SYNE1: variants seen among roughly 807,000 people sequenced by gnomAD.
SYNE1 encodes the protein spectrin repeat containing nuclear envelope protein 1, also known as nesprin-1.
SYNE1 carries 616 observed loss-of-function variants against 1,111.0 expected under a neutral mutation model. The ratio of observed to expected loss-of-function variants is 0.55; its 90% CI spans 0.52 to 0.59. The LOEUF is 0.59. Among genes scored for constraint, SYNE1 ranks in the 20% least tolerant of loss-of-function variants. SYNE1 has a pLI of 0.00. For synonymous variants in SYNE1, 3,855 were observed against 3,825.8 expected, an observed-to-expected ratio of 1.01 and a Z score of -0.28; for missense variants, 10,006 against 10,417.0, an observed-to-expected ratio of 0.96 and a Z score of 1.72.
At chr6:152,625,352 C>A (rs2099683674) in intron 3 of SYNE1, among the ~76,000 whole-genome samples, 1 of 152,210 alleles carries the variant, frequency 6.6e-6, no homozygotes, top group South Asian at 2.1e-4. Flanking sequence ...CTGCACGTCA[C>A]CAACTGAATC....
At chr6:152,492,202 C>T (rs1304063500) in intron 11 of SYNE1, among the ~76,000 whole-genome samples, 1 of 152,194 alleles carries the variant, frequency 6.6e-6, no homozygotes, top group Non-Finnish European at 1.5e-5. Context: ...CCGTCCTATT[C>T]TCAATATGCA....
At chr6:152,635,731 TTTC>T (rs1221227678) in intron 2 of SYNE1, among the ~76,000 whole-genome samples, 1 of 152,254 alleles carries the variant, frequency 6.6e-6, no homozygotes, top group Admixed American at 6.5e-5. Context: ...CATTTTTAAC[TTTC>T]TTAACATTCA....
intron 37 of SYNE1, among the ~76,000 whole-genome samples, 192 bp downstream of exon 37, chr6:152,428,013 T>C (rs545502001): frequency 1.3e-5 from 2 of 152,318 alleles, no homozygotes; most frequent in East Asian, 3.9e-4. Context: ...TTGGATAATA[T>C]GTAAAGACCC....
rs2098103675 is a variant in SYNE1, at chr6:152,413,513, C to G, written c.6069G>C (p.Gln2023His). 6.2e-7 allele frequency: 1 copy of G among 1,614,010 alleles called. No individual in the cohort carries two copies. Among genetic ancestry groups the G allele is most frequent in the Non-Finnish European group, 8.5e-7 (1 of 1,180,008 alleles). Residue 2023 changes from glutamine (Q) to histidine (H), a missense_variant, in exon 42 of 146, where the codon CAG (glutamine) becomes CAC (histidine). Physicochemically the swap from Gln to His is conservative, Grantham distance 24. Around this residue, in one of 7 missense-constraint regions of SYNE1, gnomAD observed 4,955 missense variants for 5,017.2 expected, o/e 0.99. Transcript: ENST00000367255. ...CGTGAGAATTCAATTCATCTTCTAG[C>G]TGATTAAACACTCTTAACCTGTGAA... ...ALQQRLRVFNQLEDELNSHEH... is the reference protein window; with the variant it reads ...ALQQRLRVFNHLEDELNSHEH...
At chr6:152,399,960 T>A in intron 47 of SYNE1, 137 bp from the exon 48 acceptor site, 1 of 995,746 alleles carries the variant, frequency 1.0e-6, no homozygotes, top group Non-Finnish European at 1.5e-6. Flanking sequence ...TTGGTGCGTT[T>A]TTGAGTACTT....
intron 127 of SYNE1, among the ~76,000 whole-genome samples, chr6:152,190,271 T>C (rs550650948): frequency 6.6e-6 from 1 of 152,256 alleles, no homozygotes; most frequent in Non-Finnish European, 1.5e-5. Flanking sequence ...TCAGGCTCCA[T>C]CTCTAACTCT....
rs183016625 is a variant in SYNE1 at position 152,349,067 on chromosome 6, T to A, written c.11901+1101A>T. On this transcript the variant is annotated intron_variant, in intron 72 of 145. Coordinates refer to ENST00000367255, the MANE Select transcript of SYNE1 (RefSeq NM_182961.4). ...ATATTTGTTAAATAAAATCCTTTCT[T>A]ATAGACAGAAATGTTGCAGCCCAGA... is the stretch of plus-strand genomic sequence containing the variant. Among the ~76,000 whole-genome samples, 1,099 of 152,320 alleles carry A rather than the reference T, an allele frequency of 7.2e-3. 8 individuals carry two copies. Among genetic ancestry groups the A allele is most frequent in the South Asian group, 0.018 (88 of 4,832 alleles).
At chr6:152,212,662 G>A (rs2077742949) in intron 123 of SYNE1, among the ~76,000 whole-genome samples, 1 of 151,944 alleles carries the variant, frequency 6.6e-6, no homozygotes, top group Admixed American at 6.6e-5. Context: ...GGAATTTCTG[G>A]GTTATATGAT....
chr6:152,400,027 C>T (rs1003167731), intron 47 of SYNE1, among the ~76,000 whole-genome samples: 2 of 152,046 alleles, frequency 1.3e-5, no homozygotes, highest in African/African-American at 4.8e-5. Flanking sequence ...TGGGAACAAA[C>T]AGCTGTTGGG....
intron 10 of SYNE1, among the ~76,000 whole-genome samples, chr6:152,499,285 T>C (rs887184419): frequency 1.3e-5 from 2 of 152,080 alleles, no homozygotes; most frequent in Non-Finnish European, 2.9e-5. Context: ...CCAATAGACC[T>C]ATTTTATTTA....
In SYNE1 at chr6:152,479,185, A is replaced by G. The variant is rs555900694; in HGVS notation, c.1350+3900T>C. Among the ~76,000 whole-genome samples the G allele has an allele frequency of 5.1e-4, 77 of 152,204 alleles. No homozygotes were observed. In the Middle Eastern group the frequency reaches 0.024, roughly 47 times the overall value. On this transcript the variant is annotated intron_variant, in intron 14 of 145. Coordinates refer to ENST00000367255, the MANE Select transcript of SYNE1 (RefSeq NM_182961.4). Reference sequence around the variant, plus strand: ...TGGCTAGGGTTGGGTGTAGGACAGGATCCTGGGGGAAGAGGTCAAGAACCT... The same window carrying G: ...TGGCTAGGGTTGGGTGTAGGACAGGGTCCTGGGGGAAGAGGTCAAGAACCT...
rs746655221 is a variant in SYNE1 at position 152,145,487 on chromosome 6, C to T, written c.24977-1722G>A. 23 of 1,613,628 alleles carry T rather than the reference C, an allele frequency of 1.4e-5. 1 individual carries two copies. The highest frequency in any genetic ancestry group is 1.7e-4 in the Middle Eastern group (1 of 6,016). On this transcript the variant is annotated intron_variant, in intron 137 of 145. Transcript: ENST00000367255. ...GCTGGCTCCGGCTTGTTGTGCCTAC[C>T]GGAGGTATTTTTGATTGCATTTTCT...
Position 152,213,875 on chromosome 6 carries a change from G to A in SYNE1, c.22347-116C>T, listed in dbSNP as rs1587957558. On this transcript the variant is annotated intron_variant, in intron 122 of 145. Transcript: ENST00000367255. ...TCAATTCTAATTGAACCACCACAAAGCTTTCATGTCAGGTGGTAAAATTAT... is the reference window on the plus strand; with the variant it reads ...TCAATTCTAATTGAACCACCACAAAACTTTCATGTCAGGTGGTAAAATTAT... 4.2e-6 allele frequency: 6 copies of A among 1,442,120 alleles called. No individual in the cohort carries two copies. The African/African-American group carries it at 8.6e-5, about 21-fold the overall frequency. 89.3% of individuals were successfully genotyped at this position (1,442,120 alleles called of 1,614,324 possible). A position where few individuals can be genotyped will look rare whatever the true frequency, so the allele number is the denominator to read the frequency against.
rs540972725 is a variant in SYNE1 at position 152,149,216 on chromosome 6, C to T, written c.24642+261G>A. On this transcript the variant is annotated intron_variant, in intron 136 of 145. Coordinates refer to ENST00000367255, the MANE Select transcript of SYNE1 (RefSeq NM_182961.4). ...CTTCTAAACTCTTTGTATACATTAA[C>T]TCATCTAATGCTCAAAACAATCCTT... Among the ~76,000 whole-genome samples the T allele has an allele frequency of 4.6e-5, 7 of 152,270 alleles. No homozygotes were observed. The East Asian group carries it at 9.7e-4, about 21-fold the overall frequency.
At chr6:152,486,313 C>T (rs964870467) in intron 12 of SYNE1, among the ~76,000 whole-genome samples, 1 of 151,964 alleles carries the variant, frequency 6.6e-6, no homozygotes, top group African/African-American at 2.4e-5. Context: ...GAAAATGCAG[C>T]ATTTGCTACA....
Position 152,442,121 on chromosome 6 carries a change from A to G in SYNE1, c.3962T>C (p.Leu1321Pro), listed in dbSNP as rs773202823. 3.7e-6 allele frequency: 6 copies of G among 1,614,062 alleles called. No individual in the cohort carries two copies. In the South Asian group the frequency reaches 6.6e-5, roughly 18 times the overall value. The change falls in exon 31 of 146, where the codon CTG (leucine) becomes CCG (proline). Residue 1321 changes from leucine to proline, a missense_variant. Physicochemically the swap from Leu to Pro is moderately conservative, Grantham distance 98 (BLOSUM62 -3). This residue lies in a region of SYNE1 where 1,971 missense variants were observed against 2,084.1 expected (regional missense o/e 0.95). Transcript: ENST00000367255. Reference protein sequence around the residue: ...HEELRKLESTLDGLERSRERQ... With the variant: ...HEELRKLESTPDGLERSRERQ... ...CTCCCGGCTGCGCTCCAGGCCATCC[A>G]GTGTGCTCTCCAGCTTCCGCAGCTC...
chr6:152,232,067 TA>T, intron 113 of SYNE1, 48 bp downstream of exon 113: 2 of 1,390,454 alleles, frequency 1.4e-6, no homozygotes, highest in Non-Finnish European at 2.0e-6. Flanking sequence ...TTCTTTCAAA[TA>T]AAATGGTCTG....
intron 55 of SYNE1, among the ~76,000 whole-genome samples, chr6:152,384,106 A>G (rs955754344): frequency 7.2e-5 from 11 of 152,314 alleles, no homozygotes; most frequent in African/African-American, 2.6e-4. Flanking sequence ...TTGCTTGTCA[A>G]AACAACTTTA....
At position 152,145,697 on chromosome 6, in the gene SYNE1, A is replaced by G; in HGVS notation, c.24977-1932T>C. On this transcript the variant is annotated intron_variant, in intron 137 of 145. Transcript: ENST00000367255. The stretch of plus-strand genomic sequence containing the variant: ...CTCCTGAGCGCACAGAGGAGCGTGC[A>G]GGCTCACCAAAGCTTTCCTGAAATG... 4.1e-6 allele frequency: 3 copies of G among 739,602 alleles called. No individual in the cohort carries two copies. The South Asian group carries it at 4.4e-5, about 11-fold the overall frequency. The allele number at this position is 739,602 out of a possible 1,614,324, so 45.8% of individuals were successfully genotyped here.
Sources: allele counts gnomAD v4.1 joint callset (sites outside exome capture counted in the v4.1 genomes callset), GRCh38; gene constraint gnomAD v4.1.1; regional missense constraint gnomAD v4.1.1; transcripts MANE v1.5; gene names NCBI Gene and HGNC (gene_info 2026-07-23, HGNC 2026-07-21).